The following LRP1B variants were observed in gnomAD, a reference collection of about 807,000 sequenced individuals.
LRP1B encodes low-density lipoprotein receptor-related protein 1B.
Under a neutral mutation model 556.6 loss-of-function variants are expected in LRP1B, and 217 were observed. The observed-to-expected ratio is 0.39, with a 90% CI of 0.35 to 0.44. The LOEUF (loss-of-function observed/expected upper bound fraction) is 0.44, where lower values mean the gene tolerates loss of function less well. Ranked by LOEUF, LRP1B falls within the 20% of genes least tolerant of loss-of-function variation. LRP1B has a pLI of 1.00. For missense variants in LRP1B, 5,053 were observed against 5,620.8 expected (o/e 0.90, Z 3.23); for synonymous variants, 2,047 against 1,865.8 (o/e 1.10, Z -2.50).
At chr2:141,409,900 A>G (rs1295691925) in intron 3 of LRP1B, among the ~76,000 whole-genome samples, 1 of 152,044 alleles carries the variant, frequency 6.6e-6, no homozygotes, top group African/African-American at 2.4e-5. Flanking sequence ...GCTTGGCAAG[A>G]AAAAACAAAG....
At chr2:140,535,377 C>T (rs1227659971) in intron 46 of LRP1B, among the ~76,000 whole-genome samples, 1 of 152,112 alleles carries the variant, frequency 6.6e-6, no homozygotes, top group African/African-American at 2.4e-5. Flanking sequence ...TATGTTGAGA[C>T]AAATTCTTTA....
At chr2:141,432,669 A>G (rs902284174) in intron 3 of LRP1B, among the ~76,000 whole-genome samples, 1 of 151,914 alleles carries the variant, frequency 6.6e-6, no homozygotes, top group African/African-American at 2.4e-5. Context: ...ATTAATTTGT[A>G]TATTTCATCT....
At chr2:141,404,996 G>A (rs142546304) in intron 3 of LRP1B, among the ~76,000 whole-genome samples, 1 of 152,010 alleles carries the variant, frequency 6.6e-6, no homozygotes, top group Admixed American at 6.6e-5. Flanking sequence ...GGAGGCTGAG[G>A]CAGGAGAATG....
At chr2:141,522,324 G>T (rs866883095) in intron 2 of LRP1B, among the ~76,000 whole-genome samples, 2 of 152,034 alleles carry the variant, frequency 1.3e-5, no homozygotes, top group Admixed American at 6.6e-5. Context: ...TGTTTCAGTC[G>T]CATTATGTAA....
chr2:141,930,817 G>A (rs1700479440), intron 1 of LRP1B, among the ~76,000 whole-genome samples: 1 of 152,070 alleles, frequency 6.6e-6, no homozygotes, highest in South Asian at 2.1e-4. Flanking sequence ...CTTACTGAAT[G>A]TTGTCATAAT....
intron 66 of LRP1B, among the ~76,000 whole-genome samples, chr2:140,393,540 A>G (rs146400323): frequency 5.2e-4 from 79 of 152,246 alleles, no homozygotes; most frequent in African/African-American, 1.8e-3. Flanking sequence ...TATTGGAAAT[A>G]CAAAGTTTTG....
intron 21 of LRP1B, among the ~76,000 whole-genome samples, chr2:140,916,304 C>T (rs76269742): frequency 0.04 from 6,162 of 152,156 alleles, 200 homozygotes; most frequent in South Asian, 0.084. Context: ...TTCTAATAAT[C>T]CAGATTGGTT....
intron 5 of LRP1B, among the ~76,000 whole-genome samples, chr2:141,232,029 A>G (rs1217392453): frequency 6.6e-6 from 1 of 152,200 alleles, no homozygotes; most frequent in African/African-American, 2.4e-5. Context: ...CATCAGTAGA[A>G]TTGTGAATCA....
intron 3 of LRP1B, among the ~76,000 whole-genome samples, chr2:141,442,249 CAAATAGCAACATACACTTATGAGA>C (rs1681004904): frequency 6.6e-6 from 1 of 151,890 alleles, no homozygotes; most frequent in African/African-American, 2.4e-5. Context: ...ATAAATACAA[CAAATAGCAACATACACTTATGAGA>C]AAATAAAAGT....
At chr2:141,017,281 C>T (rs1035086863) in intron 12 of LRP1B, among the ~76,000 whole-genome samples, 2 of 151,936 alleles carry the variant, frequency 1.3e-5, no homozygotes, top group Non-Finnish European at 2.9e-5. Context: ...AATATGCAAT[C>T]TTTTCATCTC....
chr2:141,751,660 A>G (rs1234687107), intron 2 of LRP1B, among the ~76,000 whole-genome samples: 1 of 151,970 alleles, frequency 6.6e-6, no homozygotes, highest in African/African-American at 2.4e-5. Flanking sequence ...TTCATGGTCA[A>G]TTACTCCTGA....
At chr2:141,090,019 G>T (rs1211947878) in intron 7 of LRP1B, among the ~76,000 whole-genome samples, 1 of 152,162 alleles carries the variant, frequency 6.6e-6, no homozygotes, top group East Asian at 1.9e-4. Flanking sequence ...GTGCCCAAGT[G>T]TAATCAACTG....
intron 86 of LRP1B, among the ~76,000 whole-genome samples, chr2:140,264,931 T>A (rs78879903): frequency 0.018 from 2,723 of 148,790 alleles, 40 homozygotes; most frequent in Non-Finnish European, 0.023. Flanking sequence ...CACAGACACC[T>A]AGGTGTGGAA....
chr2:141,764,293 GC>G (rs1390770637), intron 2 of LRP1B, among the ~76,000 whole-genome samples: 1 of 151,964 alleles, frequency 6.6e-6, no homozygotes, highest in African/African-American at 2.4e-5. Flanking sequence ...CCATTCTCCT[GC>G]CTCAGCCTTC....
At chr2:140,297,085 G>A (rs1048038876) in intron 84 of LRP1B, among the ~76,000 whole-genome samples, 1 of 152,058 alleles carries the variant, frequency 6.6e-6, no homozygotes, top group Non-Finnish European at 1.5e-5. Flanking sequence ...AGAGGGAGGG[G>A]TCAGGACTTG....
chr2:140,695,824 A>G (rs1284105369), intron 41 of LRP1B, among the ~76,000 whole-genome samples: 2 of 152,178 alleles, frequency 1.3e-5, no homozygotes, highest in African/African-American at 4.8e-5. Context: ...CTCATACCTA[A>G]TAATCTATGG....
At chr2:141,547,234 T>A (rs1365871536) in intron 2 of LRP1B, among the ~76,000 whole-genome samples, 1 of 152,176 alleles carries the variant, frequency 6.6e-6, no homozygotes. Flanking sequence ...TGCATTCCTC[T>A]CCCTACACAT....
intron 79 of LRP1B, among the ~76,000 whole-genome samples, chr2:140,330,468 G>T (rs1286533080): frequency 6.7e-6 from 1 of 150,170 alleles, no homozygotes; most frequent in Admixed American, 6.6e-5. Flanking sequence ...AACAAGCAAT[G>T]GGGAAAGGAG....
At chr2:140,254,694 C>T (rs1256786968) in intron 86 of LRP1B, among the ~76,000 whole-genome samples, 1 of 152,070 alleles carries the variant, frequency 6.6e-6, no homozygotes, top group East Asian at 1.9e-4. Context: ...TCAGGGATTA[C>T]AGGCACTTGC....
Sources: gnomAD v4.1 joint callset for allele counts (sites outside exome capture counted in the v4.1 genomes callset) on GRCh38, gnomAD v4.1.1 for gene constraint, MANE v1.5 for transcripts, NCBI Gene and HGNC (gene_info 2026-07-23, HGNC 2026-07-21) for gene names.